Variants in TRPM3 observed in about 807,000 individuals in gnomAD.
TRPM3 encodes the protein transient receptor potential cation channel subfamily M member 3, also known as long transient receptor potential channel 3.
A neutral mutation model predicts 181.2 loss-of-function variants in TRPM3; 77 were observed. The ratio of observed to expected loss-of-function variants is 0.42; its 90% CI spans 0.35 to 0.51. The LOEUF is 0.51. Ranked by LOEUF, TRPM3 falls within the 20% of genes least tolerant of loss-of-function variation. The pLI is 0.01. For synonymous variants in TRPM3, 745 were observed against 796.4 expected (o/e 0.94, Z 1.09); for missense variants, 1,759 against 2,196.7 (o/e 0.80, Z 3.98).
rs570017053 is a variant in TRPM3 at position 70,627,787 on chromosome 9, C to G, written c.1633-2270G>C. 1.2e-3 allele frequency among the ~76,000 whole-genome samples: 178 copies of G among 152,238 alleles called. 1 individual carries two copies. Among genetic ancestry groups the G allele is most frequent in the African/African-American group, 4.0e-3 (167 of 41,554 alleles). On this transcript the variant is annotated intron_variant, in intron 12 of 25. Coordinates refer to ENST00000677713, the MANE Select transcript of TRPM3 (RefSeq NM_001366145.2). The stretch of plus-strand genomic sequence containing the variant: ...GTCCTTGACCTTGGCCCTCCACAGC[C>G]TAATCTGGCATCCATTTGATGAGCT...
intron 11 of TRPM3, among the ~76,000 whole-genome samples, chr9:70,637,746 C>T (rs1165842773): frequency 2.0e-5 from 3 of 152,016 alleles, no homozygotes; most frequent in African/African-American, 7.3e-5. Flanking sequence ...CGTGATGGGA[C>T]AGAGGCATTG....
chr9:71,025,887 G>C (rs2097892119), intron 1 of TRPM3, among the ~76,000 whole-genome samples: 3 of 152,212 alleles, frequency 2.0e-5, no homozygotes, highest in African/African-American at 7.2e-5. Flanking sequence ...GGAAGACATA[G>C]ATGCTGGGCT....
intron 1 of TRPM3, among the ~76,000 whole-genome samples, chr9:71,264,325 C>A (rs576952644): frequency 6.6e-6 from 1 of 152,162 alleles, no homozygotes; most frequent in East Asian, 1.9e-4. Flanking sequence ...GCAGATCGCA[C>A]CTCCCCTCCC....
chr9:71,098,250 T>C (rs978819825), intron 1 of TRPM3, among the ~76,000 whole-genome samples: 2 of 151,518 alleles, frequency 1.3e-5, no homozygotes, highest in Admixed American at 1.3e-4. Flanking sequence ...AAATAAGCAG[T>C]AAAATCCAAC....
chr9:71,280,661 TACTC>T (rs1221195100), intron 1 of TRPM3, among the ~76,000 whole-genome samples: 4 of 152,216 alleles, frequency 2.6e-5, no homozygotes, highest in African/African-American at 7.2e-5. Context: ...TTCCAACACT[TACTC>T]AGTGATACAA....
chr9:71,296,104 C>T (rs543980726), intron 1 of TRPM3, among the ~76,000 whole-genome samples: 66 of 152,236 alleles, frequency 4.3e-4, no homozygotes, highest in African/African-American at 1.6e-3. Context: ...CAACAGCTTT[C>T]GTGTGCTAAG....
intron 1 of TRPM3, among the ~76,000 whole-genome samples, chr9:71,296,284 C>T (rs2086252493): frequency 6.6e-6 from 1 of 152,104 alleles, no homozygotes; most frequent in African/African-American, 2.4e-5. Context: ...AACAAGGTCC[C>T]TACCCCCTTG....
intron 1 of TRPM3, among the ~76,000 whole-genome samples, chr9:71,331,748 G>A (rs114812370): frequency 5.9e-5 from 6 of 101,080 alleles, no homozygotes; most frequent in African/African-American, 8.5e-5. Flanking sequence ...GGAGGAGGAG[G>A]AAAAGGGGGA....
At chr9:71,075,060 G>A (rs1418326669) in intron 1 of TRPM3, among the ~76,000 whole-genome samples, 1 of 151,998 alleles carries the variant, frequency 6.6e-6, no homozygotes, top group Non-Finnish European at 1.5e-5. Context: ...TGTCATTCTA[G>A]AAGTCATTGA....
At chr9:70,890,068 T>C (rs546060281) in intron 1 of TRPM3, among the ~76,000 whole-genome samples, 10 of 148,004 alleles carry the variant, frequency 6.8e-5, no homozygotes, top group African/African-American at 2.2e-4. Flanking sequence ...TATACAAATA[T>C]AGTGTACTAT....
At chr9:71,252,561 G>A (rs1375841961) in intron 1 of TRPM3, among the ~76,000 whole-genome samples, 1 of 152,178 alleles carries the variant, frequency 6.6e-6, no homozygotes. Flanking sequence ...TTAGGAGTAG[G>A]TTTCAGTGAC....
At chr9:71,193,204 C>T (rs931559784) in intron 1 of TRPM3, among the ~76,000 whole-genome samples, 4 of 151,368 alleles carry the variant, frequency 2.6e-5, no homozygotes, top group Non-Finnish European at 5.9e-5. Flanking sequence ...GAAATCATCT[C>T]CCTCTCTCAT....
intron 1 of TRPM3, among the ~76,000 whole-genome samples, chr9:71,431,296 G>A (rs2131608685): frequency 6.6e-6 from 1 of 152,204 alleles, no homozygotes; most frequent in African/African-American, 2.4e-5. Context: ...GAAATAACCA[G>A]GGCTTATCTA....
Position 70,530,445 on chromosome 9 carries a change from G to A in TRPM3, c.*5508C>T, listed in dbSNP as rs2040724791. 6.6e-6 allele frequency: 1 copy of A among 152,254 alleles called. No individual in the cohort carries two copies. Among genetic ancestry groups the A allele is most frequent in the East Asian group, 1.9e-4 (1 of 5,198 alleles). The allele number at this position is 152,254 out of a possible 1,614,324, so 9.4% of individuals were successfully genotyped here. On this transcript the variant is annotated 3_prime_UTR_variant, in exon 26 of 26. Coordinates refer to ENST00000677713, the MANE Select transcript of TRPM3 (RefSeq NM_001366145.2). ...TCTTTACAAAGCCTATGGACTTCTA[G>A]CCATACACATGTCTTTTCAGTTTCC... is the stretch of plus-strand genomic sequence containing the variant.
intron 1 of TRPM3, among the ~76,000 whole-genome samples, chr9:71,280,697 A>G (rs2084640912): frequency 6.6e-6 from 1 of 152,166 alleles, no homozygotes; most frequent in African/African-American, 2.4e-5. Context: ...CAGGTCCTTG[A>G]AGGTGCTGGG....
chr9:70,578,218 T>C (rs1229009530), intron 22 of TRPM3, among the ~76,000 whole-genome samples: 1 of 151,730 alleles, frequency 6.6e-6, no homozygotes, highest in South Asian at 2.1e-4. Context: ...GCTGGATTGA[T>C]TGAACTGAAC....
chr9:70,791,440 T>A (rs979690825), intron 6 of TRPM3, among the ~76,000 whole-genome samples: 1 of 152,198 alleles, frequency 6.6e-6, no homozygotes, highest in African/African-American at 2.4e-5. Context: ...GGCATATGTT[T>A]CCAACCCACT....
At chr9:70,650,334 A>G (rs2059446781) in intron 9 of TRPM3, among the ~76,000 whole-genome samples, 1 of 152,186 alleles carries the variant, frequency 6.6e-6, no homozygotes, top group African/African-American at 2.4e-5. Flanking sequence ...GAGGAAAAAG[A>G]AAGTCTAAGG....
At chr9:70,771,867 T>C (rs1432524545) in intron 7 of TRPM3, among the ~76,000 whole-genome samples, 1 of 152,176 alleles carries the variant, frequency 6.6e-6, no homozygotes, top group Non-Finnish European at 1.5e-5. Flanking sequence ...AATGTGTTTA[T>C]GGATTGTGTT....
Sources: gnomAD v4.1 joint callset for allele counts (sites outside exome capture counted in the v4.1 genomes callset) on GRCh38, gnomAD v4.1.1 for gene constraint, MANE v1.5 for transcripts, NCBI Gene and HGNC (gene_info 2026-07-23, HGNC 2026-07-21) for gene names.